The following DAPK2 variants were observed in gnomAD, a reference collection of about 807,000 sequenced individuals.
DAPK2 encodes the protein death-associated protein kinase 2.
DAPK2 carries 35 observed loss-of-function variants against 44.1 expected under a neutral mutation model. The observed-to-expected ratio is 0.79, with a 90% CI of 0.61 to 1.05. The LOEUF (loss-of-function observed/expected upper bound fraction) is 1.05. Among genes scored for constraint, DAPK2 ranks in the 50% least tolerant of loss-of-function variants. DAPK2 has a pLI of 0.00. For synonymous variants in DAPK2, 174 were observed against 182.6 expected (o/e 0.95, Z 0.38); for missense variants, 453 against 483.2 (o/e 0.94, Z 0.59).
chr15:63,991,252 G>A, intron 1 of DAPK2: 2 of 456,338 alleles, frequency 4.4e-6, no homozygotes, highest in South Asian at 3.1e-5. Context: ...CAGTGCGCTG[G>A]GAACTAGATG....
rs1282531023 is a variant in DAPK2, at chr15:63,931,138, A to T, written c.584-683T>A. ...CCCTTTGGTCATTTGACAACTTAGC[A>T]AGAAGGCACCATCTATGAAACAGGG... On this transcript the variant is annotated intron_variant, in intron 4 of 10. Transcript: ENST00000261891. 2.0e-5 allele frequency among the ~76,000 whole-genome samples: 3 copies of T among 152,300 alleles called. No individual in the cohort carries two copies. The East Asian group carries it at 5.8e-4, about 29-fold the overall frequency.
At chr15:64,012,382 G>T (rs2079411702) in intron 1 of DAPK2, among the ~76,000 whole-genome samples, 1 of 152,216 alleles carries the variant, frequency 6.6e-6, no homozygotes, top group Non-Finnish European at 1.5e-5. Flanking sequence ...CAGTACAAGG[G>T]TGACACAAGA....
intron 3 of DAPK2, among the ~76,000 whole-genome samples, chr15:63,955,496 G>A (rs551647240): frequency 2.0e-5 from 3 of 152,268 alleles, no homozygotes; most frequent in Admixed American, 6.5e-5. Context: ...TGGCCTCTTA[G>A]AACGACTTTG....
intron 4 of DAPK2, among the ~76,000 whole-genome samples, chr15:63,936,608 A>G (rs1364885836): frequency 6.6e-6 from 1 of 152,144 alleles, no homozygotes; most frequent in Non-Finnish European, 1.5e-5. Flanking sequence ...ACTCTGTCTC[A>G]ATAAATAAAT....
chr15:63,962,885 C>A (rs2077950824), intron 3 of DAPK2, among the ~76,000 whole-genome samples: 1 of 152,244 alleles, frequency 6.6e-6, no homozygotes, highest in Admixed American at 6.5e-5. Flanking sequence ...ATCTGTCAGA[C>A]AAGGACGTTT....
intron 3 of DAPK2, among the ~76,000 whole-genome samples, chr15:63,964,555 C>T (rs1340502050): frequency 1.3e-5 from 2 of 152,110 alleles, no homozygotes; most frequent in Non-Finnish European, 2.9e-5. Flanking sequence ...CTCTATCTCT[C>T]TACCTCCTCA....
At chr15:63,945,166 G>C (rs1020394141) in intron 3 of DAPK2, among the ~76,000 whole-genome samples, 1 of 152,114 alleles carries the variant, frequency 6.6e-6, no homozygotes, top group Non-Finnish European at 1.5e-5. Flanking sequence ...TGACCACCCA[G>C]CTAACTCCCT....
chr15:64,002,703 T>G (rs890491011), intron 1 of DAPK2, among the ~76,000 whole-genome samples: 1 of 152,196 alleles, frequency 6.6e-6, no homozygotes, highest in Non-Finnish European at 1.5e-5. Flanking sequence ...TAGTATGAAC[T>G]CCCATCAATC....
chr15:64,039,207 C>T (rs2080291312), intron 1 of DAPK2, among the ~76,000 whole-genome samples: 1 of 152,224 alleles, frequency 6.6e-6, no homozygotes, highest in Non-Finnish European at 1.5e-5. Context: ...TAACACCTGT[C>T]TCAGATTTTC....
chr15:63,953,084 G>C (rs2077634566), intron 3 of DAPK2, among the ~76,000 whole-genome samples: 1 of 151,988 alleles, frequency 6.6e-6, no homozygotes, highest in Non-Finnish European at 1.5e-5. Flanking sequence ...CCCATCACTT[G>C]AGTAGTATAC....
intron 2 of DAPK2, among the ~76,000 whole-genome samples, chr15:63,975,587 G>A (rs73454899): frequency 0.017 from 2,428 of 144,208 alleles, 59 homozygotes; most frequent in African/African-American, 0.059. Flanking sequence ...GAGTATTGCA[G>A]ATGATTCTTT....
intron 3 of DAPK2, among the ~76,000 whole-genome samples, chr15:63,964,179 T>G (rs536903535): frequency 6.6e-6 from 1 of 152,328 alleles, no homozygotes; most frequent in South Asian, 2.1e-4. Context: ...TGGGAAAGTC[T>G]TTATTTCTCC....
chr15:64,026,711 C>G (rs565443914), intron 1 of DAPK2, among the ~76,000 whole-genome samples: 1 of 152,306 alleles, frequency 6.6e-6, no homozygotes, highest in South Asian at 2.1e-4. Context: ...CTTCTAAAAG[C>G]AGAGACAAAG....
intron 5 of DAPK2, 91 bp from the exon 7 acceptor site, chr15:63,929,668 A>C: frequency 2.7e-6 from 4 of 1,501,910 alleles, no homozygotes; most frequent in Non-Finnish European, 3.7e-6. Flanking sequence ...GGAAGAGGTC[A>C]CTTGCCTCCT....
At chr15:63,932,049 C>A (rs1431132878) in intron 4 of DAPK2, among the ~76,000 whole-genome samples, 7 of 151,756 alleles carry the variant, frequency 4.6e-5, no homozygotes, top group African/African-American at 1.7e-4. Context: ...TGCTTTTAAC[C>A]CCAGCTACTT....
rs2080077211 is a variant in DAPK2 at position 64,033,287 on chromosome 15, G to GGAAGGAAGGAAGGAAGGAAGGAAGGAA, written c.92+6882_92+6883insTTCCTTCCTTCCTTCCTTCCTTCCTTC. 9.2e-4 allele frequency among the ~76,000 whole-genome samples: 47 copies of GGAAGGAAGGAAGGAAGGAAGGAAGGAA among 51,218 alleles called. 5 individuals carry two copies. Among genetic ancestry groups the GGAAGGAAGGAAGGAAGGAAGGAAGGAA allele is most frequent in the African/African-American group, 2.4e-3 (42 of 17,296 alleles). 33.6% of individuals were successfully genotyped at this position (51,218 alleles called of 152,430 possible). ...GGAGGGGGAGGGGGAAGGGGGAAGG[G>GGAAGGAAGGAAGGAAGGAAGGAAGGAA]GGAAGGAAGGAAGGAAGGAAGGAAG... On this transcript the variant is annotated intron_variant, in intron 1 of 10. Transcript: ENST00000261891.
At chr15:63,968,132 T>G (rs1322912191) in intron 3 of DAPK2, among the ~76,000 whole-genome samples, 1 of 152,200 alleles carries the variant, frequency 6.6e-6, no homozygotes, top group African/African-American at 2.4e-5. Flanking sequence ...CTTAATTGCA[T>G]GATCCCCTCC....
upstream of DAPK2, chr15:64,040,333 G>T: frequency 1.6e-6 from 2 of 1,265,714 alleles, no homozygotes; most frequent in South Asian, 1.2e-5. Context: ...AGAGTCTAAG[G>T]CCTAAACGTA....
intron 3 of DAPK2, among the ~76,000 whole-genome samples, chr15:63,957,172 T>G (rs1051165725): frequency 6.6e-6 from 1 of 152,226 alleles, no homozygotes; most frequent in African/African-American, 2.4e-5. Context: ...CATTATATAA[T>G]GGCTTTGTCT....
Sources: allele counts gnomAD v4.1 joint callset (sites outside exome capture counted in the v4.1 genomes callset), GRCh38; gene constraint gnomAD v4.1.1; transcripts MANE v1.5; gene names NCBI Gene and HGNC (gene_info 2026-07-23, HGNC 2026-07-21).